The following RAD50 variants were observed in gnomAD, a reference collection of about 807,000 sequenced individuals.
RAD50 encodes the protein RAD50 double strand break repair protein, also known as DNA repair protein RAD50.
RAD50 carries 132 observed loss-of-function variants against 168.8 expected under a neutral mutation model. The ratio of observed to expected loss-of-function variants is 0.78; its 90% CI spans 0.68 to 0.90. The LOEUF is 0.90. Among genes scored for constraint, RAD50 ranks in the 40% least tolerant of loss-of-function variants. RAD50 has a pLI of 0.00. For synonymous variants in RAD50, 525 were observed against 497.4 expected (o/e 1.06, Z -0.74); for missense variants, 1,347 against 1,534.4 (o/e 0.88, Z 2.04).
chr5:132,643,375 G>C lies in RAD50; in HGVS notation c.*1011G>C, dbSNP rs1317154090. 5 of 243,862 alleles carry C rather than the reference G, an allele frequency of 2.1e-5. No homozygotes were observed. Among genetic ancestry groups the C allele is most frequent in the East Asian group, 5.6e-5 (1 of 17,850 alleles). The allele number at this position is 243,862 out of a possible 1,614,324, so 15.1% of individuals were successfully genotyped here. A position where few individuals can be genotyped will look rare whatever the true frequency, so the allele number is the denominator to read the frequency against. ...ATCTTGAATCCTTCCATTCCACACA[G>C]AATGCAACCAAGTCACACGCTTTTG... On this transcript the variant is annotated 3_prime_UTR_variant, in exon 25 of 25. Transcript: ENST00000378823.
chr5:132,557,025 C>T lies in RAD50; in HGVS notation c.-300C>T. 4.4e-6 allele frequency: 3 copies of T among 686,936 alleles called. No individual in the cohort carries two copies. The highest frequency in any genetic ancestry group is 3.6e-5 in the African/African-American group (2 of 55,806). 42.6% of individuals were successfully genotyped at this position (686,936 alleles called of 1,614,324 possible). A position where few individuals can be genotyped will look rare whatever the true frequency, so the allele number is the denominator to read the frequency against. On this transcript the variant is annotated 5_prime_UTR_variant, in exon 1 of 25. Transcript: ENST00000378823. ...GCAGGAAGCTGTGAGTGCGCGGTTG[C>T]GGGGTCGCATTGTGGCTACGGCTTT...
intron 5 of RAD50, 65 bp downstream of exon 5, chr5:132,580,131 T>C: frequency 7.3e-7 from 1 of 1,366,766 alleles, no homozygotes. Context: ...CATGATGTTT[T>C]GATATAAGTA....
rs864622743 is a variant in RAD50, at chr5:132,609,201, T to C, written c.2914T>C (p.Tyr972His). 18 of 1,610,738 alleles carry C rather than the reference T, an allele frequency of 1.1e-5. No homozygotes were observed. The highest frequency in any genetic ancestry group is 1.4e-5 in the Non-Finnish European group (16 of 1,178,604). ...ENYIQDGKDDYKKQKETELNK... is the reference protein window; with the variant it reads ...ENYIQDGKDDHKKQKETELNK... ...TTATATTCAAGATGGGAAAGACGACTATAAGAAGGTAATTTAAAACTTAAA... is the reference window on the plus strand; with the variant it reads ...TTATATTCAAGATGGGAAAGACGACCATAAGAAGGTAATTTAAAACTTAAA... Residue 972 changes from tyrosine to histidine, a missense_variant, in exon 18 of 25, where the codon TAT becomes CAT. Transcript: ENST00000378823.
At chr5:132,577,403 T>A (rs1750418509) in intron 3 of RAD50, among the ~76,000 whole-genome samples, 1 of 152,218 alleles carries the variant, frequency 6.6e-6, no homozygotes, top group Admixed American at 6.5e-5. Flanking sequence ...ATCTTAATTC[T>A]CTTTTGCTGT....
intron 11 of RAD50, chr5:132,593,634 TAGA>T (rs1411548519): frequency 2.0e-5 from 3 of 152,202 alleles, no homozygotes; most frequent in Admixed American, 6.6e-5. Context: ...TTGAGGAAAG[TAGA>T]AGGACTTGGC....
chr5:132,591,293 C>G lies in RAD50; in HGVS notation c.1522C>G (p.Gln508Glu), dbSNP rs587781749. The change falls in exon 10 of 25, where the codon CAA becomes GAA. Residue 508 changes from glutamine to glutamate, a missense_variant. Gln to Glu is a conservative substitution (Grantham distance 29). Coordinates refer to ENST00000378823, the MANE Select transcript of RAD50 (RefSeq NM_005732.4). ...ETLKMEVISL[Q>E]NEKADLDRTL... ...CTTAAAAATGGAAGTAATAAGTCTC[C>G]AAAATGAAAAAGCAGACTTAGACAG... 7 of 1,613,090 alleles carry G rather than the reference C, an allele frequency of 4.3e-6. No homozygotes were observed. The highest frequency in any genetic ancestry group is 5.9e-6 in the Non-Finnish European group (7 of 1,179,282).
At chr5:132,578,480 T>A (rs763080394) in intron 3 of RAD50, among the ~76,000 whole-genome samples, 1 of 151,866 alleles carries the variant, frequency 6.6e-6, no homozygotes, top group Non-Finnish European at 1.5e-5. Flanking sequence ...TCTAGCCCTC[T>A]GCAAAGCATT....
intron 19 of RAD50, among the ~76,000 whole-genome samples, chr5:132,610,075 A>G (rs891957353): frequency 6.6e-6 from 1 of 151,610 alleles, no homozygotes; most frequent in East Asian, 1.9e-4. Context: ...ATGGGGTCGT[A>G]TCATGTTATT....
chr5:132,579,337 T>G lies in RAD50; in HGVS notation c.386T>G (p.Leu129Arg). 1 of 1,614,062 alleles carries G rather than the reference T, an allele frequency of 6.2e-7. No homozygotes were observed. The highest frequency in any genetic ancestry group is 1.1e-5 in the South Asian group (1 of 91,078). ...TRTKHGEKVSLSSKCAEIDRE... is the reference protein window; with the variant it reads ...TRTKHGEKVSRSSKCAEIDRE... ...TGTAGGCATGGTGAAAAGGTCAGTC[T>G]GAGCTCTAAGTGTGCAGAAATTGAC... The change falls in exon 4 of 25, where the codon CTG becomes CGG. Residue 129 changes from leucine (L) to arginine (R), a missense_variant. Coordinates refer to ENST00000378823, the MANE Select transcript of RAD50 (RefSeq NM_005732.4).
chr5:132,594,465 A>G (rs1750754436), intron 11 of RAD50, among the ~76,000 whole-genome samples: 1 of 152,192 alleles, frequency 6.6e-6, no homozygotes, highest in Admixed American at 6.5e-5. Context: ...GGAGGATACA[A>G]AAGAAACAGT....
Position 132,643,734 on chromosome 5 carries a change from G to GGGGGGGGGC in RAD50, c.*1370_*1371insGGGGGGGGC. On this transcript the variant is annotated 3_prime_UTR_variant, in exon 25 of 25. Coordinates refer to ENST00000378823, the MANE Select transcript of RAD50 (RefSeq NM_005732.4). Reference sequence around the variant, plus strand: ...GGGGGTGGTGGTGGGGTGGGGGGGGGTCCTAAATGTAATCACGAGTAAGAT... The same window carrying GGGGGGGGGC: ...GGGGGTGGTGGTGGGGTGGGGGGGGGGGGGGGGGCTCCTAAATGTAATCACGAGTAAGAT... 3 of 177,106 alleles carry GGGGGGGGGC rather than the reference G, an allele frequency of 1.7e-5. No homozygotes were observed. The highest frequency in any genetic ancestry group is 1.2e-5 in the Non-Finnish European group (1 of 84,828). The allele number at this position is 177,106 out of a possible 1,614,324, so 11.0% of individuals were successfully genotyped here.
intron 13 of RAD50, among the ~76,000 whole-genome samples, chr5:132,598,419 A>G (rs1314144750): frequency 6.6e-6 from 1 of 152,282 alleles, no homozygotes; most frequent in Admixed American, 6.5e-5. Context: ...GTATATTGCA[A>G]CTTTGATAAC....
chr5:132,628,693 A>C (rs1311514518), intron 21 of RAD50, among the ~76,000 whole-genome samples: 1 of 152,156 alleles, frequency 6.6e-6, no homozygotes, highest in African/African-American at 2.4e-5. Flanking sequence ...TAAAAATGCA[A>C]AAATTAGCTG....
chr5:132,595,178 A>C (rs1750768087), intron 12 of RAD50, 134 bp downstream of exon 12: 2 of 955,736 alleles, frequency 2.1e-6, no homozygotes, highest in Non-Finnish European at 3.2e-6. Context: ...CTGGCTCTAC[A>C]ACTTACTCAC....
At chr5:132,621,457 C>A (rs933409125) in intron 21 of RAD50, among the ~76,000 whole-genome samples, 1 of 152,128 alleles carries the variant, frequency 6.6e-6, no homozygotes, top group Non-Finnish European at 1.5e-5. Flanking sequence ...GTTTCATAAG[C>A]CCGCATGTTT....
At chr5:132,613,045 A>C (rs1323121256) in intron 19 of RAD50, among the ~76,000 whole-genome samples, 1 of 151,456 alleles carries the variant, frequency 6.6e-6, no homozygotes, top group African/African-American at 2.4e-5. Flanking sequence ...TTTGGTGGAC[A>C]TTGGACTGTA....
At chr5:132,626,264 T>C (rs919383016) in intron 21 of RAD50, among the ~76,000 whole-genome samples, 2 of 152,150 alleles carry the variant, frequency 1.3e-5, no homozygotes, top group Admixed American at 1.3e-4. Flanking sequence ...AATATGGGAG[T>C]GCAGATATCT....
At chr5:132,577,214 C>T (rs1272361392) in intron 3 of RAD50, among the ~76,000 whole-genome samples, 2 of 152,188 alleles carry the variant, frequency 1.3e-5, no homozygotes, top group African/African-American at 4.8e-5. Context: ...ACTCTGTCTT[C>T]AAAGCAAGCA....
Position 132,643,389 on chromosome 5 carries a change from C to A in RAD50, c.*1025C>A. On this transcript the variant is annotated 3_prime_UTR_variant, in exon 25 of 25. Transcript: ENST00000378823. Reference sequence around the variant, plus strand: ...CATTCCACACAGAATGCAACCAAGTCACACGCTTTTGAATTATGCTTTGTA... The same window carrying A: ...CATTCCACACAGAATGCAACCAAGTAACACGCTTTTGAATTATGCTTTGTA... The A allele has an allele frequency of 4.2e-6, 1 of 239,662 alleles. No individual in the cohort carries two copies. Among genetic ancestry groups the A allele is most frequent in the East Asian group, 5.7e-5 (1 of 17,430 alleles). The allele number at this position is 239,662 out of a possible 1,614,324, so 14.8% of individuals were successfully genotyped here.
Sources: allele counts gnomAD v4.1 joint callset (sites outside exome capture counted in the v4.1 genomes callset), GRCh38; gene constraint gnomAD v4.1.1; transcripts MANE v1.5; gene names NCBI Gene and HGNC (gene_info 2026-07-23, HGNC 2026-07-21).